NKAIN3: variants seen among roughly 807,000 people sequenced by gnomAD.
NKAIN3 encodes the protein sodium/potassium-transporting ATPase subunit beta-1-interacting protein 3.
In NKAIN3, 25 loss-of-function variants were observed where a neutral mutation model predicts 30.2. The observed-to-expected ratio is 0.83, with a 90% CI of 0.60 to 1.16. NKAIN3 has a LOEUF of 1.16. Among genes scored for constraint, NKAIN3 ranks in the 50% most tolerant of loss-of-function variants. NKAIN3 has a pLI of 0.00. For missense variants in NKAIN3, 225 were observed against 254.1 expected, an observed-to-expected ratio of 0.89 and a Z score of 0.78; for synonymous variants, 91 against 89.6, an observed-to-expected ratio of 1.02 and a Z score of -0.09.
intron 1 of NKAIN3, among the ~76,000 whole-genome samples, chr8:62,528,463 T>C (rs1224785712): frequency 6.6e-6 from 1 of 151,624 alleles, no homozygotes; most frequent in Non-Finnish European, 1.5e-5. Context: ...GCATCGAATC[T>C]ATTCCACTAC....
At chr8:62,386,938 AG>A (rs1412814234) in intron 1 of NKAIN3, among the ~76,000 whole-genome samples, 1 of 151,848 alleles carries the variant, frequency 6.6e-6, no homozygotes, top group Non-Finnish European at 1.5e-5. Flanking sequence ...AGAGAGAGAG[AG>A]AGAAAGAGAG....
At chr8:62,729,049 A>AAAAAAAAAAAAAAAAAAG (rs1815381364) in intron 3 of NKAIN3, among the ~76,000 whole-genome samples, 1 of 142,460 alleles carries the variant, frequency 7.0e-6, no homozygotes, top group African/African-American at 2.6e-5. Context: ...ACAAAAAAAA[A>AAAAAAAAAAAAAAAAAAG]AAACCTCCTG....
chr8:62,986,931 G>T (rs950050559), downstream of NKAIN3, among the ~76,000 whole-genome samples: 1 of 152,066 alleles, frequency 6.6e-6, no homozygotes, highest in Admixed American at 6.6e-5. Context: ...TACACACAAC[G>T]TGTTTTTTTC....
chr8:62,914,407 C>T (rs970370464), intron 4 of NKAIN3, among the ~76,000 whole-genome samples: 2 of 152,118 alleles, frequency 1.3e-5, no homozygotes, highest in Non-Finnish European at 2.9e-5. Flanking sequence ...GGACTTAATA[C>T]CTGCGTGATG....
At chr8:62,364,015 C>A (rs1405701283) in intron 1 of NKAIN3, among the ~76,000 whole-genome samples, 1 of 151,982 alleles carries the variant, frequency 6.6e-6, no homozygotes. Context: ...AATGGTTACC[C>A]AGAAGGCATC....
At chr8:62,549,187 CT>C (rs754557492) in intron 1 of NKAIN3, among the ~76,000 whole-genome samples, 23 of 152,156 alleles carry the variant, frequency 1.5e-4, no homozygotes, top group Non-Finnish European at 2.9e-4. Context: ...TAAGAAAGAG[CT>C]TTTGCCTATA....
chr8:62,421,620 T>TC (rs1804643406), intron 1 of NKAIN3, among the ~76,000 whole-genome samples: 1 of 148,194 alleles, frequency 6.7e-6, no homozygotes, highest in African/African-American at 2.5e-5. Context: ...CTCTCTCTCT[T>TC]TCTCTCTCTC....
rs1020636787 is a variant in NKAIN3, at chr8:62,968,293, A to G, written c.*2886A>G. On this transcript the variant is annotated 3_prime_UTR_variant, in exon 7 of 7. Transcript: ENST00000623646. ...TTACCCGTTAATCTGGGTAATTCCA[A>G]TGAAGTACTGTCACAGTTACTGTTC... is the stretch of plus-strand genomic sequence containing the variant. 5.3e-5 allele frequency among the ~76,000 whole-genome samples: 8 copies of G among 152,348 alleles called. No individual in the cohort carries two copies. Among genetic ancestry groups the G allele is most frequent in the East Asian group, 3.9e-4 (2 of 5,188 alleles).
At chr8:62,249,259 C>A in intron 1 of NKAIN3, 132 bp downstream of exon 1, 1 of 752,604 alleles carries the variant, frequency 1.3e-6, no homozygotes, top group Non-Finnish European at 2.0e-6. Flanking sequence ...CGCCTCCCAC[C>A]CTCCCCACCG....
rs550983233 is a variant in NKAIN3, at chr8:62,966,016, G to A, written c.*609G>A. 10 of 984,680 alleles carry A rather than the reference G, an allele frequency of 1.0e-5. No individual in the cohort carries two copies. Among genetic ancestry groups the A allele is most frequent in the Middle Eastern group, 5.2e-4 (1 of 1,912 alleles). 61.0% of individuals were successfully genotyped at this position (984,680 alleles called of 1,614,324 possible). On this transcript the variant is annotated 3_prime_UTR_variant, in exon 7 of 7. Coordinates refer to ENST00000623646, the MANE Select transcript of NKAIN3 (RefSeq NM_001304533.3). ...TATGGCAATCTAAATTTTCAGATTC[G>A]TGCATATCTTGTTTTTCCTGATATA...
At chr8:62,862,854 T>C (rs1450316831) in intron 4 of NKAIN3, among the ~76,000 whole-genome samples, 1 of 152,196 alleles carries the variant, frequency 6.6e-6, no homozygotes, top group East Asian at 1.9e-4. Flanking sequence ...AAAAACGGCA[T>C]TAGCTTTTGT....
intron 4 of NKAIN3, among the ~76,000 whole-genome samples, chr8:62,810,111 G>A (rs923839975): frequency 1.3e-5 from 2 of 152,136 alleles, no homozygotes; most frequent in South Asian, 2.1e-4. Context: ...CTGAGAGACA[G>A]GAACTCAGCT....
At chr8:62,856,300 A>G (rs1820057468) in intron 4 of NKAIN3, 2 of 930,630 alleles carry the variant, frequency 2.1e-6, no homozygotes, top group Admixed American at 1.7e-5. Flanking sequence ...AAATGCCCAG[A>G]GATCACTATA....
At chr8:62,401,666 C>T (rs961442144) in intron 1 of NKAIN3, among the ~76,000 whole-genome samples, 6 of 152,138 alleles carry the variant, frequency 3.9e-5, no homozygotes, top group East Asian at 3.9e-4. Context: ...CCCAGTAACT[C>T]GAAGGATCTT....
rs542386075 is a variant in NKAIN3, at chr8:62,723,314, A to C, written c.274-23618A>C. 2.8e-4 allele frequency among the ~76,000 whole-genome samples: 43 copies of C among 152,190 alleles called. No homozygotes were observed. The South Asian group carries it at 8.9e-3, about 32-fold the overall frequency. Reference sequence around the variant, plus strand: ...GGTAAATTTAACAAAAAACACACACACAAAAAATTGTTTTGTGTAAATTAG... The same window carrying C: ...GGTAAATTTAACAAAAAACACACACCCAAAAAATTGTTTTGTGTAAATTAG... On this transcript the variant is annotated intron_variant, in intron 3 of 6. Transcript: ENST00000623646.
At chr8:62,691,819 A>G (rs1475651653) in intron 3 of NKAIN3, among the ~76,000 whole-genome samples, 1 of 152,200 alleles carries the variant, frequency 6.6e-6, no homozygotes, top group Non-Finnish European at 1.5e-5. Context: ...TGTGGCTGCA[A>G]AACAAGCCAC....
chr8:62,735,310 T>C (rs1295177939), intron 3 of NKAIN3, among the ~76,000 whole-genome samples: 1 of 152,028 alleles, frequency 6.6e-6, no homozygotes, highest in Non-Finnish European at 1.5e-5. Flanking sequence ...AGTTTTTCTT[T>C]TCTTTGTCTT....
chr8:62,763,221 C>CAAAAAAAAAAAAAAAAA (rs55873861), intron 4 of NKAIN3, among the ~76,000 whole-genome samples: 1 of 47,162 alleles, frequency 2.1e-5, no homozygotes, highest in East Asian at 6.7e-4. Flanking sequence ...GACTCCGTCT[C>CAAAAAAAAAAAAAAAAA]AAAAAAAAAA....
intron 1 of NKAIN3, among the ~76,000 whole-genome samples, chr8:62,383,959 G>C (rs1817352691): frequency 6.6e-6 from 1 of 150,968 alleles, no homozygotes; most frequent in Non-Finnish European, 1.5e-5. Context: ...CTGCAATCCT[G>C]AATCTATGGT....
Sources: gnomAD v4.1 joint callset for allele counts (sites outside exome capture counted in the v4.1 genomes callset) on GRCh38, gnomAD v4.1.1 for gene constraint, MANE v1.5 for transcripts, NCBI Gene and HGNC (gene_info 2026-07-23, HGNC 2026-07-21) for gene names.